The following TACC2 variants were observed in gnomAD, a reference collection of about 807,000 sequenced individuals.
TACC2 encodes transforming acidic coiled-coil containing protein 2, also known as transforming acidic coiled-coil-containing protein 2.
Under a neutral mutation model 227.3 loss-of-function variants are expected in TACC2, and 137 were observed. The observed-to-expected ratio is 0.60, with a 90% confidence interval of 0.52 to 0.69. The LOEUF is 0.69. Ranked by LOEUF, TACC2 falls within the 30% of genes least tolerant of loss-of-function variation. The pLI is 0.00. For synonymous variants in TACC2, 1,523 were observed against 1,487.5 expected (o/e 1.02, Z -0.55); for missense variants, 3,470 against 3,694.4 (o/e 0.94, Z 1.57).
intron 7 of TACC2, among the ~76,000 whole-genome samples, chr10:122,162,900 C>G (rs749702286): frequency 1.3e-5 from 2 of 152,116 alleles, no homozygotes; most frequent in Non-Finnish European, 2.9e-5. Flanking sequence ...CTCAGCTGGC[C>G]GCGCCTCTGC....
At chr10:122,043,111 C>T (rs930744226) in intron 2 of TACC2, among the ~76,000 whole-genome samples, 7 of 152,116 alleles carry the variant, frequency 4.6e-5, no homozygotes, top group African/African-American at 1.7e-4. Context: ...ACTGATCTGA[C>T]CAAGGGCACA....
chr10:122,048,117 G>A (rs1177849784), intron 2 of TACC2, among the ~76,000 whole-genome samples: 1 of 152,180 alleles, frequency 6.6e-6, no homozygotes, highest in African/African-American at 2.4e-5. Context: ...GTGCAGACTA[G>A]GCAGATGATT....
chr10:122,164,094 C>T (rs2093001471), intron 7 of TACC2: 1 of 1,402,770 alleles, frequency 7.1e-7, no homozygotes, highest in Admixed American at 2.1e-5. Context: ...AACCTGGAGC[C>T]CAGGCTGGCC....
chr10:122,086,969 A>C lies in TACC2; in HGVS notation c.4469A>C (p.Gln1490Pro). The change falls in exon 4 of 23, where the codon CAA becomes CCA. Residue 1490 changes from glutamine (Q) to proline (P), a missense_variant. Gln to Pro is a moderately conservative substitution (Grantham distance 76). Around this residue, in one of 10 missense-constraint regions of TACC2, gnomAD observed 1,924 missense variants for 1,978.3 expected, o/e 0.97. Transcript: ENST00000369005. Reference sequence around the variant, plus strand: ...GCTGAGATTTCCCATCTGGCTCTGCAAGATCCAGCTTCAGACAAGCTTCTG... The same window carrying C: ...GCTGAGATTTCCCATCTGGCTCTGCCAGATCCAGCTTCAGACAAGCTTCTG... ...GEAEISHLAL[Q>P]DPASDKLLGP... is the part of the protein sequence containing the mutation. 1 of 1,613,982 alleles carries C rather than the reference A, an allele frequency of 6.2e-7. No individual in the cohort carries two copies.
At position 122,120,284 on chromosome 10, in the gene TACC2, C is replaced by G. The variant is rs533872368; in HGVS notation, c.5574-12325C>G. Among the ~76,000 whole-genome samples, 5 of 152,312 alleles carry G rather than the reference C, an allele frequency of 3.3e-5. No homozygotes were observed. The South Asian group carries it at 1.0e-3, about 32-fold the overall frequency. On this transcript the variant is annotated intron_variant, in intron 5 of 22. Transcript: ENST00000369005. ...GGCCAACGTGGGCACTGCTCACAGC[C>G]TCCTCCAAGCTGACCTTTCTCAGCC...
chr10:122,085,218 C>T lies in TACC2; in HGVS notation c.2718C>T (p.Pro906=). ...ALGSELQSQL[P]KGTLSDTPTS... Reference sequence around the variant, plus strand: ...GATCAGAACTTCAAAGTCAGCTCCCCAAAGGCACCCTGTCTGATACTCCAA... The same window carrying T: ...GATCAGAACTTCAAAGTCAGCTCCCTAAAGGCACCCTGTCTGATACTCCAA... The change falls in exon 4 of 23, where the codon CCC becomes CCT. Residue 906 remains proline (P), a synonymous_variant. Coordinates refer to ENST00000369005, the MANE Select transcript of TACC2 (RefSeq NM_206862.4). 1.2e-6 allele frequency: 2 copies of T among 1,614,078 alleles called. No homozygotes were observed. The highest frequency in any genetic ancestry group is 1.1e-5 in the South Asian group (1 of 91,074).
intron 1 of TACC2, among the ~76,000 whole-genome samples, 196 bp downstream of exon 1, chr10:121,989,684 G>C (rs551541528): frequency 3.3e-5 from 5 of 152,116 alleles, no homozygotes; most frequent in Non-Finnish European, 7.3e-5. Context: ...TAGGCACCTA[G>C]TGAGAGCCCT....
At chr10:122,054,870 G>T (rs77600098) in intron 3 of TACC2, among the ~76,000 whole-genome samples, 3,752 of 152,298 alleles carry the variant, frequency 0.025, 73 homozygotes, top group African/African-American at 0.054. Context: ...ACAAGGGAGA[G>T]AGCGCTGGAG....
Position 122,143,624 on chromosome 10 carries a change from A to G in TACC2, c.5752A>G (p.Ile1918Val), listed in dbSNP as rs1340142931. The G allele has an allele frequency of 5.0e-6, 8 of 1,614,032 alleles. No homozygotes were observed. Among genetic ancestry groups the G allele is most frequent in the Admixed American group, 1.7e-5 (1 of 60,024 alleles). ...AGLPPSAAEHIVSPSAPAGDR... is the reference protein window; with the variant it reads ...AGLPPSAAEHVVSPSAPAGDR... The stretch of plus-strand genomic sequence containing the variant: ...TCTTCCTCCCTCGGCTGCAGAACAC[A>G]TAGTTTCGCCATCTGCCCCAGCTGG... Residue 1918 changes from isoleucine to valine, a missense_variant, in exon 7 of 23, where the codon ATA (isoleucine) becomes GTA (valine). Ile to Val is a conservative substitution (Grantham distance 29). This residue lies in a region of TACC2 where 1,924 missense variants were observed against 1,978.3 expected (regional missense o/e 0.97). Coordinates refer to ENST00000369005, the MANE Select transcript of TACC2 (RefSeq NM_206862.4).
At chr10:122,062,601 A>C (rs538148575) in intron 3 of TACC2, among the ~76,000 whole-genome samples, 3 of 152,178 alleles carry the variant, frequency 2.0e-5, no homozygotes, top group African/African-American at 7.2e-5. Context: ...AGCATGAGCT[A>C]CTGTGCCAGG....
intron 7 of TACC2, among the ~76,000 whole-genome samples, chr10:122,152,398 C>T (rs4752660): frequency 0.99 from 151,190 of 152,372 alleles, 75,015 homozygotes; most frequent in Middle Eastern, 1. Context: ...TCTCCCAGGT[C>T]GGAGGACCTG....
chr10:122,136,833 C>T (rs538488455), intron 6 of TACC2, among the ~76,000 whole-genome samples: 4 of 151,964 alleles, frequency 2.6e-5, no homozygotes, highest in Non-Finnish European at 4.4e-5. Context: ...GGATTACAGG[C>T]GTGAGCCACT....
At chr10:122,153,470 G>A (rs2092251494) in intron 7 of TACC2, among the ~76,000 whole-genome samples, 1 of 152,146 alleles carries the variant, frequency 6.6e-6, no homozygotes, top group Non-Finnish European at 1.5e-5. Flanking sequence ...TCATATCTGT[G>A]GACTCCTCCA....
At position 122,084,855 on chromosome 10, in the gene TACC2, G is replaced by C. The variant is rs537034175; in HGVS notation, c.2355G>C (p.Glu785Asp). Residue 785 changes from glutamate (E) to aspartate (D), a missense_variant, in exon 4 of 23, where the codon GAG becomes GAC. Physicochemically the swap from Glu to Asp is conservative, Grantham distance 45. This residue lies in a region of TACC2 where 1,924 missense variants were observed against 1,978.3 expected (regional missense o/e 0.97). Coordinates refer to ENST00000369005, the MANE Select transcript of TACC2 (RefSeq NM_206862.4). ...HAGVPHPPQG[E>D]NLAADLGLTA... is the part of the protein sequence containing the mutation. ...GGGTGCCACATCCCCCCCAGGGGGA[G>C]AACTTGGCAGCAGACCTGGGGCTCA... 6.2e-7 allele frequency: 1 copy of C among 1,613,938 alleles called. No homozygotes were observed.
intron 15 of TACC2, among the ~76,000 whole-genome samples, chr10:122,229,961 C>T (rs1245130965): frequency 6.6e-6 from 1 of 152,144 alleles, no homozygotes; most frequent in Non-Finnish European, 1.5e-5. Context: ...CTAGGGTGTT[C>T]AGAGCAAACC....
chr10:122,200,999 C>T (rs1325864774), intron 8 of TACC2, among the ~76,000 whole-genome samples: 2 of 131,842 alleles, frequency 1.5e-5, no homozygotes, highest in African/African-American at 5.5e-5. Context: ...CCTCACCCGC[C>T]CAGAGTGGCC....
chr10:122,009,539 GTTC>G (rs1303565268), intron 1 of TACC2, among the ~76,000 whole-genome samples: 1 of 152,100 alleles, frequency 6.6e-6, no homozygotes, highest in Non-Finnish European at 1.5e-5. Context: ...TGATTAAGGT[GTTC>G]TTCTGTTCTT....
chr10:122,196,225 C>A (rs1593196192), intron 8 of TACC2, among the ~76,000 whole-genome samples: 2 of 152,296 alleles, frequency 1.3e-5, no homozygotes, highest in South Asian at 2.1e-4. Context: ...GGGTGGAATT[C>A]TTTTTATCCG....
At chr10:121,991,106 A>G (rs754922771) in intron 1 of TACC2, among the ~76,000 whole-genome samples, 1 of 152,176 alleles carries the variant, frequency 6.6e-6, no homozygotes. Flanking sequence ...TGTTTTTAAA[A>G]ATGCCTTTGT....
Sources: gnomAD v4.1 joint callset for allele counts (sites outside exome capture counted in the v4.1 genomes callset) on GRCh38, gnomAD v4.1.1 for gene constraint, gnomAD v4.1.1 regional missense constraint, MANE v1.5 for transcripts, NCBI Gene and HGNC (gene_info 2026-07-23, HGNC 2026-07-21) for gene names.